AKAIN1: variants seen among roughly 807,000 people sequenced by gnomAD.
AKAIN1 encodes the protein A-kinase anchor inhibitor 1.
AKAIN1 carries 3 observed loss-of-function variants against 3.7 expected under a neutral mutation model. The ratio of observed to expected loss-of-function variants is 0.82; its 90% confidence interval spans 0.37 to 2.12. The LOEUF is 2.12. AKAIN1 is among the 30% of genes most tolerant of loss of function. AKAIN1 has a pLI of 0.06. For missense variants in AKAIN1, 82 were observed against 82.7 expected (o/e 0.99, Z 0.03); for synonymous variants, 31 against 30.8 (o/e 1.01, Z -0.02).
intron 1 of AKAIN1, among the ~76,000 whole-genome samples, chr18:5,146,657 C>A (rs1292651181): frequency 1.3e-5 from 2 of 152,174 alleles, no homozygotes; most frequent in East Asian, 1.9e-4. Context: ...ACCTGCCCCC[C>A]TCCCCGCCTG....
At position 5,145,596 on chromosome 18, in the gene AKAIN1, A is replaced by G. The variant is rs935689481; in HGVS notation, c.176T>C (p.Val59Ala). The change falls in exon 2 of 2, where the codon GTT becomes GCT. Residue 59 changes from valine to alanine, a missense_variant. Transcript: ENST00000434239. Reference sequence around the variant, plus strand: ...TTCGTGCTTCTTGGTTAACTCCCCAACGCCCAGTTGGATGTGGTCCCGGTT... The same window carrying G: ...TTCGTGCTTCTTGGTTAACTCCCCAGCGCCCAGTTGGATGTGGTCCCGGTT... Reference protein sequence around the residue: ...SDNRDHIQLGVGELTKKHEKK With the variant: ...SDNRDHIQLGAGELTKKHEKK 11 of 1,551,426 alleles carry G rather than the reference A, an allele frequency of 7.1e-6. No individual in the cohort carries two copies. The highest frequency in any genetic ancestry group is 1.7e-4 in the Middle Eastern group (1 of 5,998).
At position 5,150,715 on chromosome 18, in the gene AKAIN1, T is replaced by C. The variant is rs552088254; in HGVS notation, c.17-4960A>G. ...AGCTCCCCACCACGCCCCTCAGAAC[T>C]TTCTGCCCCATATCCCATTCATGCC... On this transcript the variant is annotated intron_variant, in intron 1 of 1. Coordinates refer to ENST00000434239, the MANE Select transcript of AKAIN1 (RefSeq NM_001145194.2). Among the ~76,000 whole-genome samples, 15 of 152,238 alleles carry C rather than the reference T, an allele frequency of 9.9e-5. No individual in the cohort carries two copies. In the East Asian group the frequency reaches 2.9e-3, roughly 29 times the overall value.
intron 1 of AKAIN1, among the ~76,000 whole-genome samples, chr18:5,172,089 G>T (rs1044390230): frequency 6.6e-6 from 1 of 152,114 alleles, no homozygotes; most frequent in Non-Finnish European, 1.5e-5. Context: ...TAAGCCAGAT[G>T]CAGAAGGACA....
intron 1 of AKAIN1, among the ~76,000 whole-genome samples, chr18:5,184,956 T>C (rs894639536): frequency 6.6e-6 from 1 of 152,032 alleles, no homozygotes; most frequent in African/African-American, 2.4e-5. Flanking sequence ...ACTACAAGGC[T>C]GCAAATAACC....
chr18:5,197,568 G>T, upstream of AKAIN1: 1 of 1,030,944 alleles, frequency 9.7e-7, no homozygotes. The surrounding 1 kb of genome is among the most constrained non-coding windows in gnomAD (Gnocchi z 6.9). Flanking sequence ...TCCGAGTTGG[G>T]CTGGCTCGAA....
At chr18:5,162,751 A>G (rs762714500) in intron 1 of AKAIN1, among the ~76,000 whole-genome samples, 1 of 151,772 alleles carries the variant, frequency 6.6e-6, no homozygotes, top group Non-Finnish European at 1.5e-5. Context: ...ATCATCAATG[A>G]CAGAAGTGTG....
intron 1 of AKAIN1, among the ~76,000 whole-genome samples, chr18:5,149,384 T>A (rs1028507553): frequency 6.6e-6 from 1 of 152,218 alleles, no homozygotes; most frequent in Non-Finnish European, 1.5e-5. Flanking sequence ...CCTTAAGCTA[T>A]GGCAGAGGGG....
intron 1 of AKAIN1, among the ~76,000 whole-genome samples, chr18:5,151,733 A>T (rs895874570): frequency 6.6e-6 from 1 of 152,224 alleles, no homozygotes; most frequent in African/African-American, 2.4e-5. Flanking sequence ...CTACTCTTAT[A>T]AATTATATGG....
intron 1 of AKAIN1, among the ~76,000 whole-genome samples, chr18:5,178,882 C>G (rs1227910902): frequency 6.6e-6 from 1 of 152,156 alleles, no homozygotes; most frequent in Non-Finnish European, 1.5e-5. Flanking sequence ...TGAGCTGGAA[C>G]AGGAACTAAG....
At chr18:5,181,800 T>C (rs2071260079) in intron 1 of AKAIN1, among the ~76,000 whole-genome samples, 1 of 152,038 alleles carries the variant, frequency 6.6e-6, no homozygotes, top group African/African-American at 2.4e-5. Flanking sequence ...CCAAAGATAA[T>C]GATCAAAGAA....
At chr18:5,166,857 C>A (rs2071170526) in intron 1 of AKAIN1, among the ~76,000 whole-genome samples, 1 of 152,078 alleles carries the variant, frequency 6.6e-6, no homozygotes. Flanking sequence ...GTTGTAGACA[C>A]TTTTTAAACA....
intron 1 of AKAIN1, among the ~76,000 whole-genome samples, chr18:5,169,707 C>G (rs951610965): frequency 6.6e-6 from 1 of 152,134 alleles, no homozygotes; most frequent in South Asian, 2.1e-4. Context: ...CTACTGTTTT[C>G]CAGTTTACAT....
At chr18:5,175,288 G>A (rs1462816235) in intron 1 of AKAIN1, among the ~76,000 whole-genome samples, 3 of 152,114 alleles carry the variant, frequency 2.0e-5, no homozygotes, top group African/African-American at 7.2e-5. Context: ...GAGACTTAAA[G>A]CCTCAAAGTT....
intron 1 of AKAIN1, among the ~76,000 whole-genome samples, chr18:5,151,820 T>G (rs1029874620): frequency 2.6e-5 from 4 of 152,224 alleles, no homozygotes; most frequent in Non-Finnish European, 5.9e-5. Flanking sequence ...ACATGTATGG[T>G]ACTATGGAGA....
rs1363673721 is a variant in AKAIN1 at position 5,187,550 on chromosome 18, CT to C, written c.16+9487del. 4.6e-5 allele frequency among the ~76,000 whole-genome samples: 7 copies of C among 152,222 alleles called. No homozygotes were observed. The South Asian group carries it at 1.5e-3, about 32-fold the overall frequency. ...AGAGAGAAATGGAGCCAAACTTATT[CT>C]TTTGTCAGGAGCCCACTCCTGCAAT... On this transcript the variant is annotated intron_variant, in intron 1 of 1. Coordinates refer to ENST00000434239, the MANE Select transcript of AKAIN1 (RefSeq NM_001145194.2).
intron 1 of AKAIN1, among the ~76,000 whole-genome samples, chr18:5,169,794 T>C (rs2143346007): frequency 6.6e-6 from 1 of 152,150 alleles, no homozygotes; most frequent in East Asian, 1.9e-4. Flanking sequence ...AGCAAAAAGA[T>C]AAAACTTCAT....
intron 1 of AKAIN1, among the ~76,000 whole-genome samples, chr18:5,152,567 GTA>G (rs1351225617): frequency 1.8e-4 from 28 of 152,242 alleles, no homozygotes; most frequent in Admixed American, 5.9e-4. Context: ...GTGTCTCCAC[GTA>G]TTGACTTGCC....
chr18:5,160,142 C>A (rs368390), intron 1 of AKAIN1, among the ~76,000 whole-genome samples: 7,230 of 152,224 alleles, frequency 0.047, 446 homozygotes, highest in African/African-American at 0.14. Context: ...GAATAATAAG[C>A]ATGCTCAAAT....
chr18:5,167,065 G>A (rs758363359), intron 1 of AKAIN1, among the ~76,000 whole-genome samples: 3 of 151,936 alleles, frequency 2.0e-5, no homozygotes, highest in African/African-American at 4.8e-5. Flanking sequence ...ATACTAAAAC[G>A]TGTTAAAAAC....
Sources: gnomAD v4.1 joint callset for allele counts (sites outside exome capture counted in the v4.1 genomes callset) on GRCh38, gnomAD v4.1.1 for gene constraint, Gnocchi (gnomAD v3.1) non-coding constraint, MANE v1.5 for transcripts, NCBI Gene and HGNC (gene_info 2026-07-23, HGNC 2026-07-21) for gene names.